UTRN: variants seen among roughly 807,000 people sequenced by gnomAD.
UTRN encodes the protein utrophin, also known as dystrophin-related protein 1.
A neutral mutation model predicts 463.9 loss-of-function variants in UTRN; 283 were observed. The ratio of observed to expected loss-of-function variants is 0.61; its 90% CI spans 0.55 to 0.67. The LOEUF (loss-of-function observed/expected upper bound fraction) is 0.67, where lower values mean the gene tolerates loss of function less well. UTRN is among the 30% of genes least tolerant of loss of function. The probability of loss-of-function intolerance (pLI) is 0.00; values close to 1 mark genes in which losing one functional copy is unlikely to be tolerated. For synonymous variants in UTRN, 1,442 were observed against 1,431.5 expected, an observed-to-expected ratio of 1.01 and a Z score of -0.17; for missense variants, 3,922 against 4,084.3, an observed-to-expected ratio of 0.96 and a Z score of 1.08.
At chr6:144,505,039 A>G (rs1472188814) in intron 34 of UTRN, among the ~76,000 whole-genome samples, 1 of 151,998 alleles carries the variant, frequency 6.6e-6, no homozygotes, top group Admixed American at 6.5e-5. Flanking sequence ...TTTCTAGTTC[A>G]TTTTTGTGGA....
At chr6:144,817,338 C>T (rs1345496477) in intron 65 of UTRN, among the ~76,000 whole-genome samples, 3 of 152,116 alleles carry the variant, frequency 2.0e-5, no homozygotes, top group East Asian at 1.9e-4. Flanking sequence ...CCAAGAAATG[C>T]ATTTAAAATG....
intron 52 of UTRN, among the ~76,000 whole-genome samples, chr6:144,691,498 T>A (rs908384363): frequency 6.6e-6 from 1 of 152,028 alleles, no homozygotes; most frequent in East Asian, 1.9e-4. Flanking sequence ...TATTCCTTTT[T>A]TTTCCTGAAT....
At chr6:144,429,448 A>T in intron 8 of UTRN, 133 bp from the exon 9 acceptor site, 2 of 684,000 alleles carry the variant, frequency 2.9e-6, no homozygotes, top group Non-Finnish European at 4.5e-6. Context: ...GTGGCAATTT[A>T]CTGGTATTGC....
chr6:144,762,363 G>A (rs529980112), intron 58 of UTRN, among the ~76,000 whole-genome samples: 2 of 152,252 alleles, frequency 1.3e-5, no homozygotes, highest in East Asian at 3.9e-4. Flanking sequence ...TATTTAGGAA[G>A]GAGGATAGTA....
chr6:144,841,654 C>G (rs923678318), intron 73 of UTRN, among the ~76,000 whole-genome samples: 2 of 151,950 alleles, frequency 1.3e-5, no homozygotes, highest in African/African-American at 4.8e-5. Context: ...TTACTTAGTA[C>G]TATAATTATA....
chr6:144,809,326 G>T (rs369037220), intron 65 of UTRN, among the ~76,000 whole-genome samples: 2 of 152,104 alleles, frequency 1.3e-5, no homozygotes, highest in African/African-American at 4.8e-5. Context: ...AATTGACAAG[G>T]ATTTGTAGTT....
chr6:144,518,722 A>G (rs906686062), intron 39 of UTRN, among the ~76,000 whole-genome samples: 1 of 152,202 alleles, frequency 6.6e-6, no homozygotes, highest in African/African-American at 2.4e-5. Context: ...GGCACAAAAT[A>G]GAAATAAGTT....
At chr6:144,726,615 A>C (rs190121987) in intron 53 of UTRN, among the ~76,000 whole-genome samples, 23 of 152,310 alleles carry the variant, frequency 1.5e-4, no homozygotes, top group Admixed American at 1.3e-3. Context: ...TGCATAGTAG[A>C]AGGTGCCAGG....
At chr6:144,510,856 G>T (rs999339740) in intron 34 of UTRN, 88 bp from the exon 35 acceptor site, 3 of 1,191,962 alleles carry the variant, frequency 2.5e-6, no homozygotes, top group African/African-American at 3.2e-5. Context: ...TTGTATATGT[G>T]GCAGAAAAGT....
At chr6:144,453,393 G>A (rs961256946) in intron 18 of UTRN, among the ~76,000 whole-genome samples, 4 of 152,154 alleles carry the variant, frequency 2.6e-5, no homozygotes, top group Admixed American at 1.3e-4. Flanking sequence ...AAAGTGTTGG[G>A]ATTACAGGTG....
In UTRN at chr6:144,459,165, C is replaced by T; in HGVS notation, c.2527-9C>T. Reference sequence around the variant, plus strand: ...AGTGAGTTGTGTGACCGTATTTTCTCTTCCTTAGCGGGAATTGACAAATCT... The same window carrying T: ...AGTGAGTTGTGTGACCGTATTTTCTTTTCCTTAGCGGGAATTGACAAATCT... On this transcript the variant is annotated splice_polypyrimidine_tract_variant and intron_variant, in intron 20 of 74. Coordinates refer to ENST00000367545, the MANE Select transcript of UTRN (RefSeq NM_007124.3). 3 of 1,607,220 alleles carry T rather than the reference C, an allele frequency of 1.9e-6. No individual in the cohort carries two copies. The highest frequency in any genetic ancestry group is 1.3e-5 in the African/African-American group (1 of 74,806).
At chr6:144,601,852 A>G (rs1433267165) in intron 51 of UTRN, among the ~76,000 whole-genome samples, 1 of 152,188 alleles carries the variant, frequency 6.6e-6, no homozygotes, top group Non-Finnish European at 1.5e-5. Flanking sequence ...TCTTATTTTA[A>G]GAAAATGTCA....
At chr6:144,695,893 A>G (rs1257848406) in intron 52 of UTRN, among the ~76,000 whole-genome samples, 1 of 152,210 alleles carries the variant, frequency 6.6e-6, no homozygotes, top group African/African-American at 2.4e-5. Flanking sequence ...AAACTTATTT[A>G]ATTTGAGATT....
chr6:144,423,698 C>T, intron 5 of UTRN, 72 bp downstream of exon 5: 1 of 1,506,846 alleles, frequency 6.6e-7, no homozygotes, highest in East Asian at 2.3e-5. Context: ...TCACCAACTG[C>T]TTGATGCATT....
chr6:144,380,449 T>A (rs1780810084), intron 2 of UTRN, among the ~76,000 whole-genome samples: 1 of 152,100 alleles, frequency 6.6e-6, no homozygotes, highest in African/African-American at 2.4e-5. Context: ...AAATTGCTTT[T>A]GTAATAAAAT....
chr6:144,495,422 G>C (rs1414884125), intron 33 of UTRN, among the ~76,000 whole-genome samples: 1 of 152,276 alleles, frequency 6.6e-6, no homozygotes, highest in African/African-American at 2.4e-5. Flanking sequence ...GGGGCCGGCA[G>C]GGCCAGCCTG....
intron 51 of UTRN, among the ~76,000 whole-genome samples, chr6:144,582,585 C>A (rs1449824453): frequency 6.6e-6 from 1 of 152,110 alleles, no homozygotes; most frequent in East Asian, 1.9e-4. Flanking sequence ...ACAATGAGAT[C>A]ATGAAGATGC....
intron 18 of UTRN, among the ~76,000 whole-genome samples, chr6:144,452,553 T>G (rs1788429986): frequency 6.6e-6 from 1 of 152,180 alleles, no homozygotes; most frequent in South Asian, 2.1e-4. Flanking sequence ...TTTTACTTGC[T>G]TCATTCTTAC....
Position 144,846,404 on chromosome 6 carries a change from C to G in UTRN, c.10271-401C>G, listed in dbSNP as rs553768038. 2.6e-5 allele frequency among the ~76,000 whole-genome samples: 4 copies of G among 152,260 alleles called. No individual in the cohort carries two copies. The South Asian group carries it at 8.3e-4, about 32-fold the overall frequency. On this transcript the variant is annotated intron_variant, in intron 73 of 74. Transcript: ENST00000367545. ...AAGGGTGGGTCAAGAGAGGCAGAAA[C>G]CAAAGACTTATGCCTTCAGTGGTCC... is the stretch of plus-strand genomic sequence containing the variant.
Sources: gnomAD v4.1 joint callset for allele counts (sites outside exome capture counted in the v4.1 genomes callset) on GRCh38, gnomAD v4.1.1 for gene constraint, MANE v1.5 for transcripts, NCBI Gene and HGNC (gene_info 2026-07-23, HGNC 2026-07-21) for gene names.